Variants in PAK3 observed in about 807,000 individuals in gnomAD.
PAK3 encodes serine/threonine-protein kinase PAK 3.
A neutral mutation model predicts 41.0 loss-of-function variants in PAK3; 4 were observed. The observed-to-expected ratio is 0.10, with a 90% CI of 0.05 to 0.22. The LOEUF is 0.22. Among genes scored for constraint, PAK3 ranks in the 10% least tolerant of loss-of-function variants. The pLI is 1.00. For missense variants in PAK3, 205 were observed against 409.9 expected (o/e 0.50, Z 4.32); for synonymous variants, 146 against 139.6 (o/e 1.05, Z -0.32).
chrX:111,138,192 T>A (rs183165135), intron 5 of PAK3, among the ~76,000 whole-genome samples: 1 of 110,352 alleles, frequency 9.1e-6, no homozygotes, highest in Non-Finnish European at 1.9e-5. Flanking sequence ...TTAACCCCAA[T>A]GAGTCCCACT....
chrX:111,179,007 A>G (rs1171490087), intron 11 of PAK3, among the ~76,000 whole-genome samples: 2 of 99,114 alleles, frequency 2.0e-5, no homozygotes. Flanking sequence ...GTATATCTAT[A>G]TATCTATATA....
intron 1 of PAK3, among the ~76,000 whole-genome samples, chrX:110,962,066 C>A (rs1372595000): frequency 8.9e-6 from 1 of 111,869 alleles, no homozygotes; most frequent in African/African-American, 3.3e-5. Context: ...TCTTTCTCAG[C>A]AATTTTATGC....
rs935130405 is a variant in PAK3, at chrX:111,221,864, C to A, written c.*1417C>A. ...TCCAGTGGAAAATAATTTTAACTTACAATCATATCCCAAGAAATGTCAGTC... is the reference window on the plus strand; with the variant it reads ...TCCAGTGGAAAATAATTTTAACTTAAAATCATATCCCAAGAAATGTCAGTC... On this transcript the variant is annotated 3_prime_UTR_variant, in exon 18 of 18. Coordinates refer to ENST00000372007, the MANE Select transcript of PAK3 (RefSeq NM_002578.5). The A allele has an allele frequency of 8.9e-6, 1 of 111,938 alleles. No individual in the cohort carries two copies. Among genetic ancestry groups the A allele is most frequent in the African/African-American group, 3.2e-5 (1 of 30,825 alleles). The allele number at this position is 111,938 out of a possible 1,213,427, so 9.2% of individuals were successfully genotyped here. A position where few individuals can be genotyped will look rare whatever the true frequency, so the allele number is the denominator to read the frequency against.
chrX:111,215,502 G>A (rs376267461), intron 16 of PAK3, among the ~76,000 whole-genome samples: 11 of 110,324 alleles, frequency 1.0e-4, no homozygotes, highest in African/African-American at 3.0e-4. Flanking sequence ...ATCGTGCCCC[G>A]CACTCCAGCC....
intron 1 of PAK3, among the ~76,000 whole-genome samples, chrX:111,049,305 A>T (rs2092532390): frequency 8.9e-6 from 1 of 112,042 alleles, no homozygotes; most frequent in Non-Finnish European, 1.9e-5. Context: ...TATTTATGTC[A>T]AATCATCTTA....
chrX:111,056,555 T>C (rs1167109195), intron 1 of PAK3, among the ~76,000 whole-genome samples: 1 of 112,152 alleles, frequency 8.9e-6, no homozygotes, highest in Non-Finnish European at 1.9e-5. Flanking sequence ...CATGTTTATG[T>C]ACATATATAG....
chrX:111,058,993 G>A (rs1267698071), intron 1 of PAK3, among the ~76,000 whole-genome samples: 2 of 110,626 alleles, frequency 1.8e-5, no homozygotes, highest in Non-Finnish European at 3.8e-5. Flanking sequence ...TATGCCACTT[G>A]GTTACTGTCA....
chrX:111,122,794 A>T (rs1394246736), intron 4 of PAK3, among the ~76,000 whole-genome samples: 1 of 111,719 alleles, frequency 9.0e-6, no homozygotes, highest in Non-Finnish European at 1.9e-5. Flanking sequence ...GGAGGAGAAA[A>T]TAGAGTTTCA....
At chrX:110,981,337 G>T (rs1211499096) in intron 1 of PAK3, among the ~76,000 whole-genome samples, 1 of 112,003 alleles carries the variant, frequency 8.9e-6, no homozygotes, top group African/African-American at 3.2e-5. Flanking sequence ...TTGACCTTTT[G>T]TTCTAAAGGT....
At position 111,220,945 on chromosome X, in the gene PAK3, C is replaced by CAAAAAAAAAAAAAAAAAAAACA; in HGVS notation, c.*515_*516insAAACAAAAAAAAAAAAAAAAAA. ...AAAAAAGAAAGCAAAAAAAGCAAGG[C>CAAAAAAAAAAAAAAAAAAAACA]AAAAAAAAAAAAAAAAACAAACAAA... On this transcript the variant is annotated 3_prime_UTR_variant, in exon 18 of 18. Coordinates refer to ENST00000372007, the MANE Select transcript of PAK3 (RefSeq NM_002578.5). The CAAAAAAAAAAAAAAAAAAAACA allele has an allele frequency of 2.0e-5, 1 of 49,447 alleles. No individual in the cohort carries two copies. Among genetic ancestry groups the CAAAAAAAAAAAAAAAAAAAACA allele is most frequent in the Non-Finnish European group, 3.5e-5 (1 of 28,196 alleles). The allele number at this position is 49,447 out of a possible 1,213,427, so 4.1% of individuals were successfully genotyped here.
intron 1 of PAK3, among the ~76,000 whole-genome samples, chrX:110,981,346 G>A (rs2091443544): frequency 8.9e-6 from 1 of 111,956 alleles, no homozygotes; most frequent in South Asian, 3.7e-4. Context: ...TGTTCTAAAG[G>A]TTGACATTGG....
chrX:111,038,392 G>A (rs2092421027), intron 1 of PAK3, among the ~76,000 whole-genome samples: 1 of 112,098 alleles, frequency 8.9e-6, no homozygotes, highest in Admixed American at 9.4e-5. Context: ...GCTCACCTGG[G>A]CTGGGATACC....
chrX:111,034,000 T>A (rs1228692868), intron 1 of PAK3, among the ~76,000 whole-genome samples: 1 of 112,157 alleles, frequency 8.9e-6, no homozygotes, highest in Non-Finnish European at 1.9e-5. Flanking sequence ...CTGTGTACTC[T>A]TTATTTCAGT....
rs896019101 is a variant in PAK3 at position 111,208,266 on chromosome X, T to A, written c.1408-8155T>A. Among the ~76,000 whole-genome samples the A allele has an allele frequency of 4.4e-5, 5 of 112,969 alleles. No homozygotes were observed. In the Admixed American group the frequency reaches 4.7e-4, roughly 11 times the overall value. ...AGTCAAAAAGTTGAAAAAATAAGTT[T>A]ATAAATTTAAAAACTTACAGCAAGC... On this transcript the variant is annotated intron_variant, in intron 16 of 17. Transcript: ENST00000372007.
chrX:110,999,981 T>C (rs1344901667), intron 1 of PAK3, among the ~76,000 whole-genome samples: 1 of 111,319 alleles, frequency 9.0e-6, no homozygotes, highest in Non-Finnish European at 1.9e-5. Flanking sequence ...AATAAATATA[T>C]AAAAGTTTTT....
rs1280375043 is a variant in PAK3 at position 111,221,410 on chromosome X, T to C, written c.*963T>C. 1 of 111,917 alleles carries C rather than the reference T, an allele frequency of 8.9e-6. No homozygotes were observed. The highest frequency in any genetic ancestry group is 1.9e-5 in the Non-Finnish European group (1 of 53,149). 9.2% of individuals were successfully genotyped at this position (111,917 alleles called of 1,213,427 possible). A position where few individuals can be genotyped will look rare whatever the true frequency, so the allele number is the denominator to read the frequency against. ...ACATTTAAACAAAGATGGGACTTTC[T>C]CTGAGAGCCAAAACCAGATAAATGT... On this transcript the variant is annotated 3_prime_UTR_variant, in exon 18 of 18. Transcript: ENST00000372007.
intron 11 of PAK3, among the ~76,000 whole-genome samples, chrX:111,179,388 A>G (rs978301675): frequency 4.5e-5 from 5 of 111,042 alleles, no homozygotes; most frequent in African/African-American, 1.6e-4. Context: ...TTAGGTCTTC[A>G]TGACATATAT....
At chrX:111,091,840 G>A (rs756594789), upstream of PAK3, among the ~76,000 whole-genome samples, 1 of 112,147 alleles carries the variant, frequency 8.9e-6, no homozygotes, top group Non-Finnish European at 1.9e-5. Context: ...CTGTGCACCA[G>A]CTGCCAAACC....
intron 10 of PAK3, among the ~76,000 whole-genome samples, chrX:111,170,565 C>A (rs1158910405): frequency 9.0e-6 from 1 of 111,375 alleles, no homozygotes; most frequent in African/African-American, 3.3e-5. Context: ...TGTTCTCATT[C>A]ATTTAATCAA....
Sources: allele counts gnomAD v4.1 joint callset (sites outside exome capture counted in the v4.1 genomes callset), GRCh38; gene constraint gnomAD v4.1.1; transcripts MANE v1.5; gene names NCBI Gene and HGNC (gene_info 2026-07-23, HGNC 2026-07-21).